The following HYDIN variants were observed in gnomAD, a reference collection of about 807,000 sequenced individuals.
The protein encoded by HYDIN is axonemal central pair apparatus protein HYDIN.
Under a neutral mutation model 403.9 loss-of-function variants are expected in HYDIN, and 132 were observed. That is an observed-to-expected ratio of 0.33 (90% CI 0.28 to 0.38). The LOEUF is 0.38. HYDIN is among the 10% of genes least tolerant of loss of function. The pLI is 1.00. For missense variants in HYDIN, 2,827 were observed against 5,009.5 expected, an observed-to-expected ratio of 0.56 and a Z score of 13.15; for synonymous variants, 1,202 against 1,891.7, an observed-to-expected ratio of 0.64 and a Z score of 9.46.
At chr16:71,053,847 TG>T (rs1280391301) in intron 18 of HYDIN, among the ~76,000 whole-genome samples, 1 of 152,276 alleles carries the variant, frequency 6.6e-6, no homozygotes, top group Non-Finnish European at 1.5e-5. Context: ...TGTTAATTTT[TG>T]TATCAAGTAT....
In HYDIN at chr16:70,807,903, T is replaced by A; in HGVS notation, c.15043A>T (p.Ile5015Phe). 1 of 1,614,034 alleles carries A rather than the reference T, an allele frequency of 6.2e-7. No individual in the cohort carries two copies. The highest frequency in any genetic ancestry group is 1.3e-5 in the African/African-American group (1 of 75,004). Reference sequence around the variant, plus strand: ...GGCAGAGCCATTCCAAAGAGGGGGATGATATACTCTCCACCTGCGAGCGAT... The same window carrying A: ...GGCAGAGCCATTCCAAAGAGGGGGAAGATATACTCTCCACCTGCGAGCGAT... ...LSSLAGGEYI[I>F]PLFGMALPPK... Residue 5015 changes from isoleucine to phenylalanine, a missense_variant, in exon 86 of 86, where the codon ATC becomes TTC. Ile to Phe is a conservative substitution (Grantham distance 21). Coordinates refer to ENST00000393567, the MANE Select transcript of HYDIN (RefSeq NM_001270974.2).
At position 70,896,141 on chromosome 16, in the gene HYDIN, A is replaced by G. The variant is rs9939429; in HGVS notation, c.9049-61T>C. 0.016 allele frequency: 25,350 copies of G among 1,601,054 alleles called. 3,239 individuals are homozygous for G. In the African/African-American group the frequency reaches 0.28, roughly 18 times the overall value. On this transcript the variant is annotated intron_variant, in intron 53 of 85. Coordinates refer to ENST00000393567, the MANE Select transcript of HYDIN (RefSeq NM_001270974.2). ...GACCTATAGGTGCTTGGAGCCTGAAACATGTAATATCCTAACGGGGATACG... is the reference window on the plus strand; with the variant it reads ...GACCTATAGGTGCTTGGAGCCTGAAGCATGTAATATCCTAACGGGGATACG...
intron 9 of HYDIN, among the ~76,000 whole-genome samples, chr16:71,123,734 T>C (rs1018772517): frequency 4.1e-5 from 6 of 144,756 alleles, no homozygotes; most frequent in Non-Finnish European, 6.0e-5. Flanking sequence ...TGGGAGATAA[T>C]TGAATCACAG....
chr16:70,881,087 A>C (rs896849148), intron 60 of HYDIN, among the ~76,000 whole-genome samples: 1 of 141,360 alleles, frequency 7.1e-6, no homozygotes, highest in African/African-American at 3.0e-5. Context: ...CTAGCCAAGC[A>C]TGGTGGTGCG....
intron 18 of HYDIN, among the ~76,000 whole-genome samples, chr16:71,059,035 G>A (rs984074282): frequency 6.6e-5 from 10 of 152,260 alleles, no homozygotes; most frequent in South Asian, 2.1e-4. Flanking sequence ...GAAAATATGC[G>A]TTAATCGACT....
intron 1 of HYDIN, among the ~76,000 whole-genome samples, chr16:71,201,790 T>C (rs2088028702): frequency 6.6e-6 from 1 of 152,236 alleles, no homozygotes; most frequent in Admixed American, 6.5e-5. Context: ...CACGAACTTC[T>C]GAGTCATCTG....
intron 18 of HYDIN, among the ~76,000 whole-genome samples, chr16:71,052,570 G>C (rs987347626): frequency 1.4e-5 from 2 of 146,376 alleles, no homozygotes; most frequent in Non-Finnish European, 3.0e-5. Context: ...ACAGAAAACA[G>C]TTATGGCTGG....
In HYDIN at chr16:70,902,821, A is replaced by ATTTTTTTTTTTT. The variant is rs60618592; in HGVS notation, c.8849+792_8849+803dup. ...TATATATATATATATATATATATAT[A>ATTTTTTTTTTTT]TTTTTTTTTTTTTTTTTGTCCCACT... On this transcript the variant is annotated intron_variant, in intron 52 of 85. Coordinates refer to ENST00000393567, the MANE Select transcript of HYDIN (RefSeq NM_001270974.2). Among the ~76,000 whole-genome samples, 13 of 47,288 alleles carry ATTTTTTTTTTTT rather than the reference A, an allele frequency of 2.7e-4. 1 individual carries two copies. The highest frequency in any genetic ancestry group is 1.3e-3 in the Admixed American group (5 of 3,946). 31.0% of individuals were successfully genotyped at this position (47,288 alleles called of 152,430 possible).
chr16:71,148,434 C>G (rs1320291687), intron 7 of HYDIN, among the ~76,000 whole-genome samples: 3 of 152,120 alleles, frequency 2.0e-5, no homozygotes, highest in Non-Finnish European at 4.4e-5. Flanking sequence ...AAAATAAAAA[C>G]TATTATTATC....
chr16:70,943,939 C>G lies in HYDIN; in HGVS notation c.6542G>C (p.Ser2181Thr). The G allele has an allele frequency of 6.2e-7, 1 of 1,606,748 alleles. No homozygotes were observed. Among genetic ancestry groups the G allele is most frequent in the African/African-American group, 1.3e-5 (1 of 74,914 alleles). ...HQSETPQISS[S>T]PLPPGPIHRW... ...GTGGATGGGCCCCGGGGGGAGAGGG[C>G]TGGAGGAAATCTGTTGAGTGGGAGA... The change falls in exon 42 of 86, where the codon AGC becomes ACC. Residue 2181 changes from serine to threonine, a missense_variant. Ser to Thr is a moderately conservative substitution (Grantham distance 58). Coordinates refer to ENST00000393567, the MANE Select transcript of HYDIN (RefSeq NM_001270974.2).
intron 75 of HYDIN, among the ~76,000 whole-genome samples, chr16:70,844,947 C>T (rs1273889086): frequency 6.1e-4 from 85 of 138,220 alleles, no homozygotes; most frequent in Non-Finnish European, 1.2e-3. Flanking sequence ...TGGGCTGAGA[C>T]GATGGGGTTT....
intron 18 of HYDIN, among the ~76,000 whole-genome samples, chr16:71,059,788 T>A (rs867942198): frequency 7.2e-5 from 11 of 152,042 alleles, no homozygotes; most frequent in Admixed American, 4.6e-4. Context: ...AATAAAAGTT[T>A]AAAAAAAAGT....
At position 71,114,040 on chromosome 16, in the gene HYDIN, A is replaced by G. The variant is rs201275613; in HGVS notation, c.1327+1656T>C. The G allele has an allele frequency of 2.0e-5, 3 of 150,566 alleles. No homozygotes were observed. In the East Asian group the frequency reaches 5.9e-4, roughly 30 times the overall value. The allele number at this position is 150,566 out of a possible 1,614,324, so 9.3% of individuals were successfully genotyped here. ...AGAAGGGATGCTGTGTTCTCACTGC[A>G]TCCTGGCATGTGATCTGAGAGGTTG... On this transcript the variant is annotated intron_variant, in intron 10 of 85. Coordinates refer to ENST00000393567, the MANE Select transcript of HYDIN (RefSeq NM_001270974.2).
intron 7 of HYDIN, among the ~76,000 whole-genome samples, chr16:71,140,064 G>A (rs368509412): frequency 1.0e-3 from 149 of 145,840 alleles, no homozygotes; most frequent in African/African-American, 3.6e-3. Context: ...TGAAACAATG[G>A]AAACTAAAAA....
At chr16:70,833,282 C>T (rs921854148) in intron 79 of HYDIN, among the ~76,000 whole-genome samples, 1 of 146,790 alleles carries the variant, frequency 6.8e-6, no homozygotes, top group Non-Finnish European at 1.5e-5. Flanking sequence ...GGCTCCTTTG[C>T]AGAGCTGAGC....
At chr16:70,961,036 G>C (rs1597420633) in intron 38 of HYDIN, among the ~76,000 whole-genome samples, 1 of 152,152 alleles carries the variant, frequency 6.6e-6, no homozygotes, top group African/African-American at 2.4e-5. Context: ...CCACTGTATG[G>C]CTTTGTCACA....
chr16:71,137,949 A>C (rs535108406), intron 7 of HYDIN, among the ~76,000 whole-genome samples: 1 of 151,792 alleles, frequency 6.6e-6, no homozygotes, highest in African/African-American at 2.4e-5. Context: ...ACACACACAC[A>C]CCCCTGACAT....
At position 71,022,631 on chromosome 16, in the gene HYDIN, T is replaced by A. The variant is rs545077984; in HGVS notation, c.3187-2314A>T. Among the ~76,000 whole-genome samples the A allele has an allele frequency of 2.8e-3, 432 of 151,724 alleles. 2 individuals are homozygous for A. The highest frequency in any genetic ancestry group is 4.8e-3 in the Non-Finnish European group (327 of 67,898). On this transcript the variant is annotated intron_variant, in intron 21 of 85. Transcript: ENST00000393567. ...TGAGACCTAACAAGTCTCTTGCATA[T>A]GCTGGGTAATGAAGTTGCATTTCTT...
At chr16:71,078,854 T>C (rs2082697831) in intron 13 of HYDIN, among the ~76,000 whole-genome samples, 4 of 152,228 alleles carry the variant, frequency 2.6e-5, no homozygotes, top group African/African-American at 7.2e-5. Context: ...GCAAAATTGC[T>C]GGTTATCTCC....
Sources: allele counts gnomAD v4.1 joint callset (sites outside exome capture counted in the v4.1 genomes callset), GRCh38; gene constraint gnomAD v4.1.1; transcripts MANE v1.5; gene names NCBI Gene and HGNC (gene_info 2026-07-23, HGNC 2026-07-21).